DTNB: variants seen among roughly 807,000 people sequenced by gnomAD.
DTNB encodes DTN-B.
Under a neutral mutation model 90.7 loss-of-function variants are expected in DTNB, and 63 were observed. The observed-to-expected ratio is 0.69, with a 90% confidence interval of 0.57 to 0.86. The LOEUF (loss-of-function observed/expected upper bound fraction) is 0.86, where lower values mean the gene tolerates loss of function less well. Ranked by LOEUF, DTNB falls within the 40% of genes least tolerant of loss-of-function variation. DTNB has a pLI of 0.00. For synonymous variants in DTNB, 277 were observed against 286.7 expected (o/e 0.97, Z 0.34); for missense variants, 744 against 807.1 (o/e 0.92, Z 0.95).
Position 25,576,960 on chromosome 2 carries a change from T to C in DTNB, c.754A>G (p.Met252Val). The change falls in exon 8 of 21, where the codon ATG becomes GTG. Residue 252 changes from methionine to valine, a missense_variant. By Grantham distance (21) the Met-to-Val change is conservative. Transcript: ENST00000406818. Reference sequence around the variant, plus strand: ...TGCTGGCATCGGTACCGGAAACCCATCATACTCTCACATCGGCAGTAGGAG... The same window carrying C: ...TGCTGGCATCGGTACCGGAAACCCACCATACTCTCACATCGGCAGTAGGAG... Reference protein sequence around the residue: ...ECSYCRCESMMGFRYRCQQCH... With the variant: ...ECSYCRCESMVGFRYRCQQCH... 6.2e-7 allele frequency: 1 copy of C among 1,611,466 alleles called. No individual in the cohort carries two copies. The highest frequency in any genetic ancestry group is 8.5e-7 in the Non-Finnish European group (1 of 1,178,946).
At chr2:25,426,257 G>C (rs1474933531) in intron 15 of DTNB, among the ~76,000 whole-genome samples, 1 of 152,186 alleles carries the variant, frequency 6.6e-6, no homozygotes, top group African/African-American at 2.4e-5. Flanking sequence ...TTCCAAAAGA[G>C]ATTGGCATTT....
intron 9 of DTNB, among the ~76,000 whole-genome samples, chr2:25,519,700 C>T (rs1449615243): frequency 6.6e-6 from 1 of 152,092 alleles, no homozygotes; most frequent in African/African-American, 2.4e-5. Flanking sequence ...GATTTTGGAG[C>T]ATTCCAGATT....
chr2:25,462,751 T>C (rs1272407904), intron 10 of DTNB, among the ~76,000 whole-genome samples: 5 of 152,020 alleles, frequency 3.3e-5, no homozygotes, highest in African/African-American at 1.2e-4. Context: ...TCGCCCAGAC[T>C]GGAGTGCAGT....
chr2:25,571,229 CTTGTT>C (rs1305863999), intron 8 of DTNB, among the ~76,000 whole-genome samples: 1 of 152,214 alleles, frequency 6.6e-6, no homozygotes, highest in African/African-American at 2.4e-5. Flanking sequence ...CCGACCATAT[CTTGTT>C]TTAATTATCA....
chr2:25,464,396 C>T (rs2061458320), intron 10 of DTNB, among the ~76,000 whole-genome samples: 1 of 152,200 alleles, frequency 6.6e-6, no homozygotes, highest in Non-Finnish European at 1.5e-5. Flanking sequence ...CCAGAAAGAG[C>T]TCCCACTAGC....
At chr2:25,453,139 C>G (rs1471315113) in intron 11 of DTNB, among the ~76,000 whole-genome samples, 1 of 152,050 alleles carries the variant, frequency 6.6e-6, no homozygotes, top group African/African-American at 2.4e-5. Flanking sequence ...AGTGGCTGAC[C>G]TCTGTTATCT....
chr2:25,433,717 A>C (rs2054725513), intron 13 of DTNB, among the ~76,000 whole-genome samples, 193 bp downstream of exon 13: 1 of 152,084 alleles, frequency 6.6e-6, no homozygotes, highest in Non-Finnish European at 1.5e-5. Context: ...GCTGTGGACT[A>C]CCAGAATCAA....
intron 9 of DTNB, among the ~76,000 whole-genome samples, chr2:25,491,961 C>T (rs1020900200): frequency 6.6e-6 from 1 of 151,264 alleles, no homozygotes; most frequent in Non-Finnish European, 1.5e-5. Context: ...AGAGCCAAAT[C>T]GTGGGAGCAA....
At chr2:25,634,332 G>T (rs1251182077) in intron 3 of DTNB, among the ~76,000 whole-genome samples, 1 of 138,332 alleles carries the variant, frequency 7.2e-6, no homozygotes, top group Non-Finnish European at 1.6e-5. Context: ...CGGGAGGGAG[G>T]TGGGGGGGTC....
At position 25,379,014 on chromosome 2, in the gene DTNB, C is replaced by T. The variant is rs1558777904; in HGVS notation, c.*29+276G>A. Among the ~76,000 whole-genome samples the T allele has an allele frequency of 5.3e-5, 8 of 152,304 alleles. No homozygotes were observed. The South Asian group carries it at 1.4e-3, about 28-fold the overall frequency. ...CACACCCTGTTTCAGCCAGCAGTGT[C>T]GGGTCTGCCAATGCCATCCCAACAC... On this transcript the variant is annotated intron_variant, in intron 20 of 20. Coordinates refer to ENST00000406818, the MANE Select transcript of DTNB (RefSeq NM_021907.5).
chr2:25,608,997 G>A (rs1350513235), intron 4 of DTNB, among the ~76,000 whole-genome samples: 1 of 152,106 alleles, frequency 6.6e-6, no homozygotes, highest in Non-Finnish European at 1.5e-5. Context: ...TGATTCTTGG[G>A]GCAGCACCCA....
At chr2:25,463,212 G>A (rs997373434) in intron 10 of DTNB, among the ~76,000 whole-genome samples, 12 of 152,124 alleles carry the variant, frequency 7.9e-5, no homozygotes, top group African/African-American at 2.9e-4. Context: ...CTCTTCCCCA[G>A]ACTGACCAGC....
chr2:25,589,367 CTTTTTTTTTTTTTT>C lies in DTNB; in HGVS notation c.603+6705_603+6718del, dbSNP rs1169808182. On this transcript the variant is annotated intron_variant, in intron 6 of 20. Transcript: ENST00000406818. ...GCTTATTCAGGTTTCTTTTTCTTTT[CTTTTTTTTTTTTTT>C]TTTTTTTTTTTTTTTTTGAGATGGA... Among the ~76,000 whole-genome samples the C allele has an allele frequency of 2.9e-3, 166 of 57,548 alleles. 1 individual carries two copies. Among genetic ancestry groups the C allele is most frequent in the East Asian group, 0.017 (27 of 1,632 alleles). 37.8% of individuals were successfully genotyped at this position (57,548 alleles called of 152,430 possible).
At chr2:25,445,927 T>TG (rs1193777001) in intron 12 of DTNB, among the ~76,000 whole-genome samples, 4 of 151,450 alleles carry the variant, frequency 2.6e-5, no homozygotes, top group Non-Finnish European at 5.9e-5. Flanking sequence ...GTAGTTTTTT[T>TG]TTTTTTTTTT....
At chr2:25,514,014 A>G (rs776489608) in intron 9 of DTNB, among the ~76,000 whole-genome samples, 11 of 152,092 alleles carry the variant, frequency 7.2e-5, no homozygotes, top group Non-Finnish European at 1.5e-4. Flanking sequence ...AAAAAAAAAA[A>G]AAGCCTTGCT....
chr2:25,607,102 G>A (rs1019796277), intron 5 of DTNB, 134 bp downstream of exon 5: 46 of 901,144 alleles, frequency 5.1e-5, no homozygotes, highest in Non-Finnish European at 7.6e-5. Flanking sequence ...CCTACTGTGA[G>A]CCAGCTGCTG....
At chr2:25,548,356 G>A (rs2082882029) in intron 8 of DTNB, among the ~76,000 whole-genome samples, 2 of 150,966 alleles carry the variant, frequency 1.3e-5, no homozygotes, top group Admixed American at 6.6e-5. Context: ...ATGAATTCTT[G>A]TCATTCCATA....
intron 15 of DTNB, among the ~76,000 whole-genome samples, chr2:25,425,283 AAAC>A (rs1016062686): frequency 4.6e-5 from 7 of 152,142 alleles, no homozygotes; most frequent in Non-Finnish European, 7.4e-5. Flanking sequence ...TAGGGGGAAA[AAAC>A]AACAACCACC....
At chr2:25,513,290 G>A (rs1208049126) in intron 9 of DTNB, among the ~76,000 whole-genome samples, 1 of 152,164 alleles carries the variant, frequency 6.6e-6, no homozygotes, top group Admixed American at 6.5e-5. Flanking sequence ...AGATAGGGAA[G>A]AAATAAATGT....
Sources: allele counts gnomAD v4.1 joint callset (sites outside exome capture counted in the v4.1 genomes callset), GRCh38; gene constraint gnomAD v4.1.1; transcripts MANE v1.5; gene names NCBI Gene and HGNC (gene_info 2026-07-23, HGNC 2026-07-21).